AP3B1: variants seen among roughly 807,000 people sequenced by gnomAD.
The protein encoded by AP3B1 is AP-3 complex subunit beta-1.
Under a neutral mutation model 132.5 loss-of-function variants are expected in AP3B1, and 61 were observed. The ratio of observed to expected loss-of-function variants is 0.46; its 90% CI spans 0.37 to 0.57. AP3B1 has a LOEUF of 0.57. Among genes scored for constraint, AP3B1 ranks in the 20% least tolerant of loss-of-function variants. The pLI is 0.00. For missense variants in AP3B1, 1,120 were observed against 1,289.4 expected (o/e 0.87, Z 2.01); for synonymous variants, 388 against 438.3 (o/e 0.89, Z 1.43).
chr5:78,246,511 T>C (rs1421999016), intron 2 of AP3B1, among the ~76,000 whole-genome samples: 1 of 152,166 alleles, frequency 6.6e-6, no homozygotes, highest in East Asian at 1.9e-4. Flanking sequence ...TAATGAAAAA[T>C]TCAATTACTT....
chr5:78,046,640 A>T (rs1748342052), intron 22 of AP3B1, among the ~76,000 whole-genome samples: 1 of 152,116 alleles, frequency 6.6e-6, no homozygotes, highest in South Asian at 2.1e-4. Flanking sequence ...TAGAAAGACA[A>T]AATCTCCCTC....
chr5:78,253,899 G>A (rs927807877), intron 2 of AP3B1, among the ~76,000 whole-genome samples: 11 of 150,798 alleles, frequency 7.3e-5, no homozygotes, highest in Admixed American at 2.6e-4. Context: ...CCCGGGAGGC[G>A]GAGCTTGCAG....
intron 22 of AP3B1, among the ~76,000 whole-genome samples, chr5:78,057,452 T>C (rs1282083129): frequency 6.6e-6 from 1 of 152,166 alleles, no homozygotes; most frequent in African/African-American, 2.4e-5. Context: ...GATAATCATA[T>C]GATATGAAAC....
At chr5:78,173,685 ATCTTTGGGGTGT>A (rs1387470791) in intron 11 of AP3B1, among the ~76,000 whole-genome samples, 2 of 147,112 alleles carry the variant, frequency 1.4e-5, no homozygotes, top group Non-Finnish European at 2.9e-5. Context: ...CTCGAGGAGT[ATCTTTGGGGTGT>A]TCTCTGTATT....
At chr5:78,061,817 G>A (rs187287288) in intron 22 of AP3B1, among the ~76,000 whole-genome samples, 1 of 152,308 alleles carries the variant, frequency 6.6e-6, no homozygotes, top group Admixed American at 6.5e-5. Context: ...TGATTTTAGA[G>A]TCCATCCAGC....
At chr5:78,231,119 G>GA (rs1746632149) in intron 3 of AP3B1, among the ~76,000 whole-genome samples, 2 of 151,680 alleles carry the variant, frequency 1.3e-5, no homozygotes, top group Non-Finnish European at 2.9e-5. Context: ...GACACCATCT[G>GA]AAAAAAAGAA....
intron 1 of AP3B1, among the ~76,000 whole-genome samples, chr5:78,273,756 T>C (rs1364978703): frequency 6.6e-6 from 1 of 151,514 alleles, no homozygotes; most frequent in Non-Finnish European, 1.5e-5. Flanking sequence ...CCACACAGAG[T>C]GCTAAGGAAG....
chr5:78,243,687 G>A (rs2112523338), intron 2 of AP3B1, among the ~76,000 whole-genome samples: 1 of 152,306 alleles, frequency 6.6e-6, no homozygotes, highest in East Asian at 1.9e-4. Context: ...TTTTGGCAGG[G>A]ATGCAAAGGA....
intron 8 of AP3B1, among the ~76,000 whole-genome samples, chr5:78,181,290 G>T (rs900996374): frequency 9.9e-5 from 15 of 152,040 alleles, no homozygotes; most frequent in Non-Finnish European, 1.6e-4. Flanking sequence ...AACATGGAAG[G>T]CTGAAATATA....
intron 20 of AP3B1, among the ~76,000 whole-genome samples, chr5:78,108,680 G>A (rs1189029523): frequency 2.0e-5 from 3 of 152,156 alleles, no homozygotes; most frequent in African/African-American, 7.2e-5. Context: ...ACTATCAAGA[G>A]ATTTAATCTG....
chr5:78,062,772 G>C (rs1343185401), intron 22 of AP3B1, among the ~76,000 whole-genome samples: 2 of 152,158 alleles, frequency 1.3e-5, no homozygotes, highest in African/African-American at 4.8e-5. Flanking sequence ...GGGTTTTTGA[G>C]AGCAAGCTGC....
chr5:78,129,067 T>A, intron 16 of AP3B1, 54 bp downstream of exon 16: 4 of 1,474,626 alleles, frequency 2.7e-6, no homozygotes, highest in Non-Finnish European at 3.7e-6. Context: ...AATGGCAACA[T>A]CTTGTCATAA....
intron 3 of AP3B1, among the ~76,000 whole-genome samples, chr5:78,234,696 C>T (rs576346256): frequency 6.6e-6 from 1 of 152,330 alleles, no homozygotes; most frequent in East Asian, 1.9e-4. Context: ...ATTTCTTATT[C>T]ATCTGTATAT....
chr5:78,087,475 T>G (rs1333365048), intron 22 of AP3B1: 2 of 939,262 alleles, frequency 2.1e-6, no homozygotes, highest in East Asian at 2.3e-4. Flanking sequence ...GTTCTAGCAT[T>G]TTCTTTGTTT....
Position 78,282,740 on chromosome 5 carries a change from G to C in AP3B1, c.128+11712C>G, listed in dbSNP as rs75471092. Among the ~76,000 whole-genome samples, 179 of 152,210 alleles carry C rather than the reference G, an allele frequency of 1.2e-3. 2 individuals carry two copies. In the East Asian group the frequency reaches 0.022, roughly 19 times the overall value. On this transcript the variant is annotated intron_variant, in intron 1 of 26. Coordinates refer to ENST00000255194, the MANE Select transcript of AP3B1 (RefSeq NM_003664.5). ...ATTAAAAATAAAACAGGCCAGGCAT[G>C]GTGGCTCATGCCTGTACTCCTAGCA...
intron 22 of AP3B1, among the ~76,000 whole-genome samples, chr5:78,085,698 G>C (rs1056626123): frequency 3.3e-5 from 5 of 151,976 alleles, no homozygotes; most frequent in African/African-American, 1.2e-4. Flanking sequence ...TTACAGAAAA[G>C]AACCAAAACA....
intron 21 of AP3B1, among the ~76,000 whole-genome samples, chr5:78,094,556 T>G (rs973795841): frequency 1.3e-5 from 2 of 152,196 alleles, no homozygotes; most frequent in African/African-American, 4.8e-5. Context: ...TTGCTAGGGT[T>G]GCTGCCTTAG....
At chr5:78,087,587 G>A (rs1580328909) in intron 22 of AP3B1, 3 of 985,356 alleles carry the variant, frequency 3.0e-6, no homozygotes, top group Non-Finnish European at 3.6e-6. Context: ...TTTGGGGAGT[G>A]AGTGTTGTGG....
chr5:78,063,746 T>C (rs889840947), intron 22 of AP3B1, among the ~76,000 whole-genome samples: 2 of 152,218 alleles, frequency 1.3e-5, no homozygotes, highest in African/African-American at 2.4e-5. Flanking sequence ...TTTAATATAA[T>C]ACGTAGTCTA....
Sources: allele counts gnomAD v4.1 joint callset (sites outside exome capture counted in the v4.1 genomes callset), GRCh38; gene constraint gnomAD v4.1.1; transcripts MANE v1.5; gene names NCBI Gene and HGNC (gene_info 2026-07-23, HGNC 2026-07-21).